JAZF1: variants seen among roughly 807,000 people sequenced by gnomAD.
The protein encoded by JAZF1 is JAZF zinc finger 1, also known as juxtaposed with another zinc finger protein 1.
A neutral mutation model predicts 26.4 loss-of-function variants in JAZF1; 8 were observed. That is an observed-to-expected ratio of 0.30 (90% confidence interval 0.18 to 0.55). The LOEUF is 0.55. Ranked by LOEUF, JAZF1 falls within the 20% of genes least tolerant of loss-of-function variation. The probability of loss-of-function intolerance (pLI) is 0.94; values close to 1 mark genes in which losing one functional copy is unlikely to be tolerated. For missense variants in JAZF1, 199 were observed against 322.0 expected (o/e 0.62, Z 2.92); for synonymous variants, 126 against 122.3 (o/e 1.03, Z -0.20).
intron 1 of JAZF1, among the ~76,000 whole-genome samples, chr7:28,072,175 C>T (rs910896267): frequency 6.6e-6 from 1 of 152,170 alleles, no homozygotes; most frequent in African/African-American, 2.4e-5. Context: ...GCACCTTAAC[C>T]TTGCATCTGT....
At chr7:28,156,827 T>C (rs1783192451) in intron 1 of JAZF1, among the ~76,000 whole-genome samples, 1 of 152,134 alleles carries the variant, frequency 6.6e-6, no homozygotes, top group South Asian at 2.1e-4. Flanking sequence ...ATCCTAGAAC[T>C]AGAACACTAC....
At position 28,024,753 on chromosome 7, in the gene JAZF1, T is replaced by C. The variant is rs568916162; in HGVS notation, c.116-32772A>G. Among the ~76,000 whole-genome samples the C allele has an allele frequency of 5.3e-5, 8 of 152,358 alleles. No homozygotes were observed. The South Asian group carries it at 1.7e-3, about 32-fold the overall frequency. ...ATTAAAGGGCTCACTTTCTGTCATC[T>C]GACATGCCATGCCCTGAGCCTGCAA... On this transcript the variant is annotated intron_variant, in intron 1 of 4. Transcript: ENST00000283928.
At chr7:28,180,423 C>G (rs776574086) in intron 1 of JAZF1, 40 bp downstream of exon 1, 2 of 1,495,730 alleles carry the variant, frequency 1.3e-6, no homozygotes, top group Non-Finnish European at 1.8e-6. Context: ...GCAGGAGTTT[C>G]CGCGCGCCTG....
In JAZF1 at chr7:28,007,166, C is replaced by T. The variant is rs74483877; in HGVS notation, c.116-15185G>A. 3.4e-3 allele frequency among the ~76,000 whole-genome samples: 524 copies of T among 152,276 alleles called. 5 individuals carry two copies. The East Asian group carries it at 0.05, about 14-fold the overall frequency. Reference sequence around the variant, plus strand: ...TAAAGTTTATGTTTTTGATTGCCCACGTCTGACTCTAGGCATAGAATTATT... The same window carrying T: ...TAAAGTTTATGTTTTTGATTGCCCATGTCTGACTCTAGGCATAGAATTATT... On this transcript the variant is annotated intron_variant, in intron 1 of 4. Coordinates refer to ENST00000283928, the MANE Select transcript of JAZF1 (RefSeq NM_175061.4).
chr7:27,972,683 A>G (rs1464033270), intron 2 of JAZF1, among the ~76,000 whole-genome samples: 3 of 152,216 alleles, frequency 2.0e-5, no homozygotes, highest in Non-Finnish European at 4.4e-5. Flanking sequence ...GCAAGCCTGG[A>G]AACAACTGGG....
chr7:28,083,523 T>G (rs1192000837), intron 1 of JAZF1, among the ~76,000 whole-genome samples: 1 of 152,098 alleles, frequency 6.6e-6, no homozygotes, highest in Non-Finnish European at 1.5e-5. Flanking sequence ...TTAAGGCTGT[T>G]TGCAAAGCTG....
At chr7:27,899,117 T>A (rs1307808340) in intron 2 of JAZF1, among the ~76,000 whole-genome samples, 1 of 152,142 alleles carries the variant, frequency 6.6e-6, no homozygotes, top group Non-Finnish European at 1.5e-5. Context: ...CTTAATTTAG[T>A]AAGTAAATTC....
At chr7:28,113,615 C>T (rs563206772) in intron 1 of JAZF1, among the ~76,000 whole-genome samples, 1 of 152,312 alleles carries the variant, frequency 6.6e-6, no homozygotes, top group Admixed American at 6.5e-5. Context: ...CATTCATTCA[C>T]CTCTTGTAAT....
At chr7:27,905,140 T>C (rs577959107) in intron 2 of JAZF1, among the ~76,000 whole-genome samples, 160 of 152,176 alleles carry the variant, frequency 1.1e-3, no homozygotes, top group Non-Finnish European at 2.1e-3. Context: ...CAAGGCTAAA[T>C]TTTTGTAGAG....
chr7:28,127,278 C>T (rs147443119), intron 1 of JAZF1, among the ~76,000 whole-genome samples: 5 of 152,256 alleles, frequency 3.3e-5, no homozygotes, highest in Admixed American at 1.3e-4. Flanking sequence ...CTATTAAATG[C>T]GAATGCCCTT....
At chr7:28,060,733 T>C (rs1020050322) in intron 1 of JAZF1, among the ~76,000 whole-genome samples, 9 of 152,204 alleles carry the variant, frequency 5.9e-5, no homozygotes, top group African/African-American at 1.9e-4. Context: ...AGTTCCATGG[T>C]GGGAGGAGCC....
At chr7:28,065,104 T>C (rs1783858000) in intron 1 of JAZF1, among the ~76,000 whole-genome samples, 3 of 152,154 alleles carry the variant, frequency 2.0e-5, no homozygotes, top group Admixed American at 6.5e-5. Context: ...TACATATTAA[T>C]TGTGGTGTTG....
intron 1 of JAZF1, among the ~76,000 whole-genome samples, chr7:28,000,350 G>A (rs560177984): frequency 9.9e-5 from 15 of 152,196 alleles, no homozygotes; most frequent in African/African-American, 2.6e-4. Flanking sequence ...CCCTACATAC[G>A]CACGCAGAGT....
chr7:27,922,728 A>G (rs1039056414), intron 2 of JAZF1, among the ~76,000 whole-genome samples: 3 of 152,094 alleles, frequency 2.0e-5, no homozygotes, highest in African/African-American at 7.2e-5. Flanking sequence ...GAAGCATTTG[A>G]CCAAAATATT....
intron 1 of JAZF1, among the ~76,000 whole-genome samples, chr7:28,022,881 C>G (rs1049812446): frequency 3.3e-5 from 5 of 152,088 alleles, no homozygotes; most frequent in Non-Finnish European, 5.9e-5. Flanking sequence ...CTCAGCCTCC[C>G]GAGTAGCTGG....
At chr7:27,918,211 T>C (rs910832886) in intron 2 of JAZF1, among the ~76,000 whole-genome samples, 1 of 152,204 alleles carries the variant, frequency 6.6e-6, no homozygotes, top group African/African-American at 2.4e-5. Context: ...CCCATCCTAA[T>C]ACAAAGGATG....
intron 3 of JAZF1, among the ~76,000 whole-genome samples, chr7:27,856,518 C>A (rs1379077210): frequency 1.3e-5 from 2 of 152,224 alleles, no homozygotes; most frequent in Non-Finnish European, 2.9e-5. Flanking sequence ...CACCCACATC[C>A]TGCTGATTGG....
chr7:27,872,740 A>G (rs1200826590), intron 3 of JAZF1, among the ~76,000 whole-genome samples: 2 of 152,250 alleles, frequency 1.3e-5, no homozygotes, highest in African/African-American at 4.8e-5. Flanking sequence ...GGTTAAAAAT[A>G]TAAATGCGGA....
At chr7:28,078,462 C>T (rs1409194350) in intron 1 of JAZF1, among the ~76,000 whole-genome samples, 1 of 152,178 alleles carries the variant, frequency 6.6e-6, no homozygotes, top group Non-Finnish European at 1.5e-5. Context: ...ATGCAATCAC[C>T]TACACTGCCC....
Sources: gnomAD v4.1 joint callset for allele counts (sites outside exome capture counted in the v4.1 genomes callset) on GRCh38, gnomAD v4.1.1 for gene constraint, MANE v1.5 for transcripts, NCBI Gene and HGNC (gene_info 2026-07-23, HGNC 2026-07-21) for gene names.